Variants in FHIT observed in about 807,000 individuals in gnomAD.
The protein encoded by FHIT is bis(5'-adenosyl)-triphosphatase.
Under a neutral mutation model 17.9 loss-of-function variants are expected in FHIT, and 19 were observed. The observed-to-expected ratio is 1.06, with a 90% CI of 0.74 to 1.56. The LOEUF (loss-of-function observed/expected upper bound fraction) is 1.56. Ranked by LOEUF, FHIT falls within the 40% of genes most tolerant of loss-of-function variation. FHIT has a pLI of 0.00. For synonymous variants in FHIT, 81 were observed against 69.7 expected, an observed-to-expected ratio of 1.16 and a Z score of -0.81; for missense variants, 248 against 189.2, an observed-to-expected ratio of 1.31 and a Z score of -1.82.
At chr3:60,251,716 C>T (rs1157305913) in intron 5 of FHIT, among the ~76,000 whole-genome samples, 2 of 152,140 alleles carry the variant, frequency 1.3e-5, no homozygotes, top group African/African-American at 2.4e-5. Flanking sequence ...CCTTGTCCAG[C>T]GTGTGGGCCA....
intron 3 of FHIT, among the ~76,000 whole-genome samples, chr3:61,006,958 T>C (rs2107615318): frequency 6.6e-6 from 1 of 152,256 alleles, no homozygotes; most frequent in African/African-American, 2.4e-5. Flanking sequence ...TTCTTTGCAG[T>C]TTGAGATATA....
intron 2 of FHIT, among the ~76,000 whole-genome samples, chr3:61,114,459 C>T (rs1477923718): frequency 6.6e-6 from 1 of 152,154 alleles, no homozygotes; most frequent in Non-Finnish European, 1.5e-5. Context: ...CTTGTAGGGC[C>T]TCCACCAAGT....
intron 2 of FHIT, among the ~76,000 whole-genome samples, chr3:61,126,232 A>T (rs1272427347): frequency 6.7e-6 from 1 of 149,424 alleles, no homozygotes; most frequent in African/African-American, 2.5e-5. Flanking sequence ...CCCAATAGGA[A>T]ACAAGACAGA....
chr3:60,800,790 A>T (rs1216509961), intron 4 of FHIT, among the ~76,000 whole-genome samples: 1 of 152,126 alleles, frequency 6.6e-6, no homozygotes, highest in Non-Finnish European at 1.5e-5. Flanking sequence ...TATGAACAGC[A>T]CCACAGAGTT....
chr3:60,109,163 A>T (rs1365001131), intron 5 of FHIT, among the ~76,000 whole-genome samples: 1 of 152,136 alleles, frequency 6.6e-6, no homozygotes, highest in Non-Finnish European at 1.5e-5. Context: ...GATTACAGTG[A>T]TAAAATGAAA....
chr3:59,997,225 T>C (rs897930735), intron 7 of FHIT, among the ~76,000 whole-genome samples: 11 of 152,148 alleles, frequency 7.2e-5, no homozygotes, highest in Non-Finnish European at 1.6e-4. Context: ...TCATGCCATG[T>C]ACACAGCCAA....
At chr3:60,265,453 A>G (rs1005916265) in intron 5 of FHIT, among the ~76,000 whole-genome samples, 2 of 152,062 alleles carry the variant, frequency 1.3e-5, no homozygotes, top group African/African-American at 4.8e-5. Flanking sequence ...AGTTTAAAGT[A>G]TAAAACTTAG....
intron 5 of FHIT, among the ~76,000 whole-genome samples, chr3:60,055,742 G>C (rs1019441199): frequency 2.0e-5 from 3 of 152,172 alleles, no homozygotes. Context: ...CTTTAGCTCA[G>C]AGAGGTTAAA....
At chr3:60,594,933 A>G (rs537011877) in intron 4 of FHIT, among the ~76,000 whole-genome samples, 1 of 151,972 alleles carries the variant, frequency 6.6e-6, no homozygotes, top group African/African-American at 2.4e-5. Context: ...AGTCCTTCCA[A>G]CTGTATTCTT....
At chr3:60,860,467 T>TG (rs1254574347) in intron 3 of FHIT, among the ~76,000 whole-genome samples, 1 of 127,008 alleles carries the variant, frequency 7.9e-6, no homozygotes, top group Admixed American at 7.9e-5. Flanking sequence ...TGTACATATA[T>TG]ATGTATATAT....
intron 5 of FHIT, among the ~76,000 whole-genome samples, chr3:60,469,871 C>G (rs965769014): frequency 1.1e-4 from 17 of 152,084 alleles, no homozygotes; most frequent in Non-Finnish European, 1.9e-4. Context: ...TTTAGGGGTG[C>G]CCCAAGCCCA....
intron 2 of FHIT, chr3:61,167,018 G>GAGAA (rs1201314116): frequency 6.6e-6 from 1 of 152,076 alleles, no homozygotes; most frequent in African/African-American, 2.4e-5. Flanking sequence ...CTCCAGACAG[G>GAGAA]GTGGTCCAAG....
chr3:60,877,950 G>A (rs1553756892), intron 3 of FHIT, among the ~76,000 whole-genome samples: 2 of 151,976 alleles, frequency 1.3e-5, no homozygotes, highest in East Asian at 1.9e-4. Context: ...ATACAGATAT[G>A]CCCCACCATT....
At position 60,369,001 on chromosome 3, in the gene FHIT, C is replaced by T. The variant is rs1700219216; in HGVS notation, c.103+167859G>A. On this transcript the variant is annotated intron_variant, in intron 5 of 9. Transcript: ENST00000492590. The stretch of plus-strand genomic sequence containing the variant: ...TCTTTGTTTTTTTTTCCTGAGACCG[C>T]TCACTCTGTCACCCAGGCTGGAGGG... Among the ~76,000 whole-genome samples, 3 of 151,900 alleles carry T rather than the reference C, an allele frequency of 2.0e-5. No individual in the cohort carries two copies. In the South Asian group the frequency reaches 6.2e-4, roughly 32 times the overall value.
At chr3:61,000,679 G>A (rs2031013977) in intron 3 of FHIT, among the ~76,000 whole-genome samples, 1 of 152,160 alleles carries the variant, frequency 6.6e-6, no homozygotes, top group South Asian at 2.1e-4. Flanking sequence ...GCACTTGAGG[G>A]ACAACAACCT....
intron 3 of FHIT, among the ~76,000 whole-genome samples, chr3:60,989,996 A>C (rs573353896): frequency 6.6e-6 from 1 of 151,908 alleles, no homozygotes; most frequent in Admixed American, 6.6e-5. Context: ...ATCCTTTACC[A>C]CTCCTAGCCT....
At chr3:60,679,813 T>G (rs2040704188) in intron 4 of FHIT, among the ~76,000 whole-genome samples, 1 of 152,200 alleles carries the variant, frequency 6.6e-6, no homozygotes, top group African/African-American at 2.4e-5. Flanking sequence ...CTGAAAATGA[T>G]GGGGTTTTTT....
intron 4 of FHIT, among the ~76,000 whole-genome samples, chr3:60,559,675 C>A (rs895258117): frequency 1.3e-5 from 2 of 152,142 alleles, no homozygotes; most frequent in Non-Finnish European, 2.9e-5. Flanking sequence ...TTCCCACTAA[C>A]CCACTGAGAA....
intron 4 of FHIT, among the ~76,000 whole-genome samples, chr3:60,569,755 A>ACATATATATATATATATATAT (rs1553654910): frequency 5.2e-5 from 4 of 77,342 alleles, no homozygotes; most frequent in Non-Finnish European, 9.4e-5. Context: ...ATATATATAT[A>ACATATATATATATATATATAT]TTTTTTTTTT....
Sources: allele counts gnomAD v4.1 joint callset (sites outside exome capture counted in the v4.1 genomes callset), GRCh38; gene constraint gnomAD v4.1.1; transcripts MANE v1.5; gene names NCBI Gene and HGNC (gene_info 2026-07-23, HGNC 2026-07-21).